Variants in PDXDC1 observed in about 807,000 individuals in gnomAD.
PDXDC1 encodes pyridoxal-dependent decarboxylase domain-containing protein 1.
Under a neutral mutation model 100.1 loss-of-function variants are expected in PDXDC1, and 42 were observed. The observed-to-expected ratio is 0.42, with a 90% CI of 0.33 to 0.54. The LOEUF (loss-of-function observed/expected upper bound fraction) is 0.54. Ranked by LOEUF, PDXDC1 falls within the 20% of genes least tolerant of loss-of-function variation. The pLI is 0.10. For synonymous variants in PDXDC1, 260 were observed against 371.7 expected, an observed-to-expected ratio of 0.70 and a Z score of 3.46; for missense variants, 636 against 979.2, an observed-to-expected ratio of 0.65 and a Z score of 4.68.
rs372707322 is a variant in PDXDC1, at chr16:15,038,168, C to T, written c.*1893C>T. On this transcript the variant is annotated 3_prime_UTR_variant, in exon 23 of 23. Coordinates refer to ENST00000396410, the MANE Select transcript of PDXDC1 (RefSeq NM_015027.4). The stretch of plus-strand genomic sequence containing the variant: ...AACATCAAGGTAGATCTAATATGTT[C>T]AACAAAGTGGGGTGGCTCAGCCAGA... The T allele has an allele frequency of 6.2e-7, 1 of 1,613,448 alleles. No individual in the cohort carries two copies. The highest frequency in any genetic ancestry group is 1.1e-5 in the South Asian group (1 of 90,936).
chr16:15,149,567 G>C, the PDXDC1 span, among the ~76,000 whole-genome samples: 13 of 152,348 alleles, frequency 8.5e-5, no homozygotes, highest in African/African-American at 3.1e-4. Context: ...ATCCCAGGCA[G>C]GGGCCCCGGG....
At chr16:15,060,149 A>T (rs940817681) in intron 16 of PDXDC1, 2 of 413,818 alleles carry the variant, frequency 4.8e-6, no homozygotes, top group Admixed American at 5.7e-5. Context: ...ACAGACTTAT[A>T]TGTAAATGTC....
intron 16 of PDXDC1, among the ~76,000 whole-genome samples, chr16:15,099,460 C>T (rs1416787531): frequency 1.3e-5 from 2 of 148,452 alleles, no homozygotes; most frequent in Non-Finnish European, 3.0e-5. Flanking sequence ...AAAAGAAAAC[C>T]TTAAAACTAA....
intron 16 of PDXDC1, chr16:15,072,899 T>C (rs1188420093): frequency 5.6e-6 from 9 of 1,595,668 alleles, no homozygotes; most frequent in Admixed American, 1.8e-5. Flanking sequence ...GGGAAAATTT[T>C]TGGGCAAAAA....
chr16:15,134,010 C>T lies in PDXDC1; in HGVS notation c.1400-4869C>T. Reference sequence around the variant, plus strand: ...CAGCACCAGTCACATGCCTGCGCTGCCCGTGGATGTGGTGGTCTCATCCAG... The same window carrying T: ...CAGCACCAGTCACATGCCTGCGCTGTCCGTGGATGTGGTGGTCTCATCCAG... On this transcript the variant is annotated intron_variant, in intron 16 of 16. Coordinates refer to the PDXDC1 transcript ENST00000535621. 10 of 1,442,500 alleles carry T rather than the reference C, an allele frequency of 6.9e-6. 1 individual carries two copies. In the South Asian group the frequency reaches 9.5e-5, roughly 14 times the overall value. 89.4% of individuals were successfully genotyped at this position (1,442,500 alleles called of 1,614,324 possible).
chr16:15,061,904 T>G (rs1340464797), intron 16 of PDXDC1: 1 of 1,609,068 alleles, frequency 6.2e-7, no homozygotes, highest in Middle Eastern at 1.7e-4. Flanking sequence ...TTCCACTATG[T>G]CCTGCAGAAA....
At chr16:14,995,027 AAGG>A (rs1207450728) in intron 1 of PDXDC1, among the ~76,000 whole-genome samples, 1 of 152,298 alleles carries the variant, frequency 6.6e-6, no homozygotes, top group African/African-American at 2.4e-5. Context: ...CTATCAGTTT[AAGG>A]AGATTTTGGG....
intron 16 of PDXDC1, chr16:15,094,157 G>C (rs780076230): frequency 1.9e-6 from 3 of 1,599,692 alleles, no homozygotes; most frequent in Non-Finnish European, 2.6e-6. Flanking sequence ...AGTCCTCGAC[G>C]CGCCCAGCTT....
chr16:15,101,328 G>C (rs2046540436), intron 16 of PDXDC1, among the ~76,000 whole-genome samples: 1 of 152,098 alleles, frequency 6.6e-6, no homozygotes. Flanking sequence ...TTGTTTGTTT[G>C]TTTTTTGAGA....
rs534674869 is a variant in PDXDC1 at position 15,128,535 on chromosome 16, G to C, written c.1400-10344G>C. ...TTTGCACGGCTCTGCCATACACGAGGAGCTGAGGTTACTGCAATTTGTCCA... is the reference window on the plus strand; with the variant it reads ...TTTGCACGGCTCTGCCATACACGAGCAGCTGAGGTTACTGCAATTTGTCCA... On this transcript the variant is annotated intron_variant, in intron 16 of 16. Transcript: ENST00000535621. The C allele has an allele frequency of 5.1e-4, 325 of 635,338 alleles. 3 individuals are homozygous for C. Among genetic ancestry groups the C allele is most frequent in the Non-Finnish European group, 7.9e-5 (28 of 354,630 alleles). The allele number at this position is 635,338 out of a possible 1,614,324, so 39.4% of individuals were successfully genotyped here.
At chr16:15,070,254 A>G (rs563708358) in intron 16 of PDXDC1, 1 of 1,611,610 alleles carries the variant, frequency 6.2e-7, no homozygotes, top group Admixed American at 1.7e-5. Context: ...ATTTTACAGT[A>G]CTAGAGAAAA....
At chr16:15,028,320 C>T (rs1397464385) in intron 14 of PDXDC1, among the ~76,000 whole-genome samples, 1 of 152,304 alleles carries the variant, frequency 6.6e-6, no homozygotes, top group Non-Finnish European at 1.5e-5. Flanking sequence ...GTATCCACAT[C>T]CTCAGCCTTC....
intron 16 of PDXDC1, chr16:15,045,745 G>T (rs2044034006): frequency 6.6e-6 from 1 of 152,286 alleles, no homozygotes; most frequent in South Asian, 2.1e-4. Context: ...CTTGAACCCA[G>T]TGTTTCCCAC....
rs1121 is a variant in PDXDC1 at position 15,037,219 on chromosome 16, G to A, written c.*944G>A. 0.3 allele frequency: 45,928 copies of A among 152,046 alleles called. 7,446 individuals are homozygous for A. Among genetic ancestry groups the A allele is most frequent in the Admixed American group, 0.44 (6,720 of 15,268 alleles). 9.4% of individuals were successfully genotyped at this position (152,046 alleles called of 1,614,324 possible). Reference sequence around the variant, plus strand: ...AGCACTCTCTCACGCTGATCCAGCCGGGCACCCTGCTTAAGTCAGTAGAAG... The same window carrying A: ...AGCACTCTCTCACGCTGATCCAGCCAGGCACCCTGCTTAAGTCAGTAGAAG... On this transcript the variant is annotated 3_prime_UTR_variant, in exon 23 of 23. Transcript: ENST00000396410.
chr16:14,976,119 A>AC (rs1466050823), intron 1 of PDXDC1, among the ~76,000 whole-genome samples: 4 of 152,284 alleles, frequency 2.6e-5, no homozygotes, highest in Admixed American at 1.3e-4. Flanking sequence ...GTAAATGGAA[A>AC]CCAGTTTGGG....
chr16:15,021,649 C>T (rs1393332968), intron 12 of PDXDC1, among the ~76,000 whole-genome samples: 9 of 152,276 alleles, frequency 5.9e-5, no homozygotes, highest in African/African-American at 1.7e-4. Context: ...CAGGCAGAAC[C>T]GTATACTCCT....
chr16:15,013,231 C>T (rs2041478955), intron 8 of PDXDC1, among the ~76,000 whole-genome samples: 1 of 152,202 alleles, frequency 6.6e-6, no homozygotes, highest in Admixed American at 6.5e-5. Context: ...CACCTGTAGT[C>T]CCAGCTACTT....
chr16:15,041,552 C>T, downstream of PDXDC1: 14 of 1,011,246 alleles, frequency 1.4e-5, no homozygotes, highest in South Asian at 1.8e-4. Context: ...GTGCTTGGGC[C>T]CACTGCAAGA....
At position 15,037,160 on chromosome 16, in the gene PDXDC1, C is replaced by A. The variant is rs1023962539; in HGVS notation, c.*885C>A. On this transcript the variant is annotated 3_prime_UTR_variant, in exon 23 of 23. Transcript: ENST00000396410. ...TGAAGCTTCTACTGCCCTGGCAGCT[C>A]GCCTGGGCCCAACTCAGAAACAGGA... The A allele has an allele frequency of 6.6e-6, 1 of 152,264 alleles. No homozygotes were observed. The highest frequency in any genetic ancestry group is 1.9e-4 in the East Asian group (1 of 5,194). 9.4% of individuals were successfully genotyped at this position (152,264 alleles called of 1,614,324 possible). A position where few individuals can be genotyped will look rare whatever the true frequency, so the allele number is the denominator to read the frequency against.
Sources: gnomAD v4.1 joint callset for allele counts (sites outside exome capture counted in the v4.1 genomes callset) on GRCh38, gnomAD v4.1.1 for gene constraint, MANE v1.5 for transcripts, NCBI Gene and HGNC (gene_info 2026-07-23, HGNC 2026-07-21) for gene names.